MGMT: variants seen among roughly 807,000 people sequenced by gnomAD.
MGMT encodes methylated-DNA--protein-cysteine methyltransferase.
MGMT carries 14 observed loss-of-function variants against 15.9 expected under a neutral mutation model. The ratio of observed to expected loss-of-function variants is 0.88; its 90% CI spans 0.58 to 1.37. The LOEUF is 1.37. MGMT is among the 40% of genes most tolerant of loss of function. The pLI, the probability that MGMT is intolerant of heterozygous loss-of-function variation, is 0.00. For missense variants in MGMT, 282 were observed against 268.1 expected (o/e 1.05, Z -0.36); for synonymous variants, 130 against 118.2 (o/e 1.10, Z -0.65).
At position 129,706,786 on chromosome 10, in the gene MGMT, G is replaced by A. The variant is rs147907355; in HGVS notation, c.126-1109G>A. Among the ~76,000 whole-genome samples, 386 of 152,266 alleles carry A rather than the reference G, an allele frequency of 2.5e-3. 1 individual carries two copies. The highest frequency in any genetic ancestry group is 8.7e-3 in the African/African-American group (362 of 41,558). On this transcript the variant is annotated intron_variant, in intron 2 of 4. Coordinates refer to ENST00000651593, the MANE Select transcript of MGMT (RefSeq NM_002412.5). The stretch of plus-strand genomic sequence containing the variant: ...CCCTTCAGGGCCATGTCCTCAGTCC[G>A]TGGAACACAGCCCCAGAAAATCCAC...
chr10:129,657,707 G>GCACACACACACACA (rs57838117), intron 2 of MGMT, among the ~76,000 whole-genome samples: 9 of 111,560 alleles, frequency 8.1e-5, no homozygotes, highest in African/African-American at 2.3e-4. Flanking sequence ...ACACACACAC[G>GCACACACACACACA]CACACACACA....
chr10:129,559,564 T>C (rs1363841733), intron 2 of MGMT, among the ~76,000 whole-genome samples: 1 of 152,142 alleles, frequency 6.6e-6, no homozygotes, highest in Admixed American at 6.5e-5. Flanking sequence ...TTTTTTTTCT[T>C]ACCATGTACT....
chr10:129,754,269 TC>T (rs1428704608), intron 3 of MGMT, among the ~76,000 whole-genome samples: 3 of 152,160 alleles, frequency 2.0e-5, no homozygotes, highest in Non-Finnish European at 2.9e-5. Flanking sequence ...CCCTCCTCAG[TC>T]CCCTGGACAG....
chr10:129,557,991 G>A (rs930628016), intron 2 of MGMT, among the ~76,000 whole-genome samples: 1 of 152,118 alleles, frequency 6.6e-6, no homozygotes, highest in Non-Finnish European at 1.5e-5. Flanking sequence ...CCTTTAACTG[G>A]CAAGTGGTCC....
rs1015803063 is a variant in MGMT, at chr10:129,767,560, C to G, written c.*563C>G. The G allele has an allele frequency of 6.6e-6, 1 of 152,462 alleles. No individual in the cohort carries two copies. The highest frequency in any genetic ancestry group is 2.4e-5 in the African/African-American group (1 of 41,472). The allele number at this position is 152,462 out of a possible 1,614,324, so 9.4% of individuals were successfully genotyped here. Reference sequence around the variant, plus strand: ...TTCCTACCTGCCAAAAAGGCTAATGCAAGATGCATCCACTTATGGTCTGTA... The same window carrying G: ...TTCCTACCTGCCAAAAAGGCTAATGGAAGATGCATCCACTTATGGTCTGTA... On this transcript the variant is annotated 3_prime_UTR_variant, in exon 5 of 5. Coordinates refer to ENST00000651593, the MANE Select transcript of MGMT (RefSeq NM_002412.5).
chr10:129,492,015 T>G (rs572580940), intron 1 of MGMT, among the ~76,000 whole-genome samples: 8 of 152,264 alleles, frequency 5.3e-5, no homozygotes, highest in African/African-American at 1.7e-4. Context: ...TTTAAAATTG[T>G]GAGTGTTTGC....
intron 2 of MGMT, among the ~76,000 whole-genome samples, chr10:129,629,548 CA>C (rs1397647956): frequency 6.6e-6 from 1 of 152,208 alleles, no homozygotes; most frequent in African/African-American, 2.4e-5. Flanking sequence ...AACAGTTAAG[CA>C]GCGTACCTGG....
intron 3 of MGMT, among the ~76,000 whole-genome samples, chr10:129,723,199 G>A (rs1379656374): frequency 2.0e-5 from 3 of 152,054 alleles, no homozygotes; most frequent in Middle Eastern, 3.4e-3. Flanking sequence ...GTGGTGGTTT[G>A]TGAGATTTTG....
intron 1 of MGMT, among the ~76,000 whole-genome samples, chr10:129,475,966 T>C (rs1158455365): frequency 6.6e-6 from 1 of 152,192 alleles, no homozygotes; most frequent in Non-Finnish European, 1.5e-5. Flanking sequence ...GACCAACCAT[T>C]TGCCAGGAGG....
At position 129,659,996 on chromosome 10, in the gene MGMT, T is replaced by C. The variant is rs551450124; in HGVS notation, c.126-47899T>C. On this transcript the variant is annotated intron_variant, in intron 2 of 4. Transcript: ENST00000651593. The surrounding 1 kb of genome is among the most constrained non-coding windows in gnomAD (Gnocchi z 4.1). ...TCACCCGTGCAGTGAAGGATTTGCGTGGTCTTTGGTGCTTTTCTTCTAAAT... is the reference window on the plus strand; with the variant it reads ...TCACCCGTGCAGTGAAGGATTTGCGCGGTCTTTGGTGCTTTTCTTCTAAAT... Among the ~76,000 whole-genome samples, 6 of 152,332 alleles carry C rather than the reference T, an allele frequency of 3.9e-5. No homozygotes were observed. Among genetic ancestry groups the C allele is most frequent in the African/African-American group, 1.4e-4 (6 of 41,576 alleles).
intron 2 of MGMT, among the ~76,000 whole-genome samples, chr10:129,546,901 C>T (rs1405185637): frequency 2.6e-5 from 4 of 152,210 alleles, no homozygotes; most frequent in African/African-American, 9.7e-5. Context: ...CATCACAAAA[C>T]AAACTGAATC....
intron 2 of MGMT, among the ~76,000 whole-genome samples, chr10:129,550,362 A>G (rs1431825459): frequency 7.2e-6 from 1 of 138,452 alleles, no homozygotes; most frequent in African/African-American, 2.6e-5. Context: ...TTCCGCAGCC[A>G]CCACCGCCAC....
In MGMT at chr10:129,718,444, A is replaced by G. The variant is rs557564007; in HGVS notation, c.274+10401A>G. On this transcript the variant is annotated intron_variant, in intron 3 of 4. Transcript: ENST00000651593. ...ACCCCCACCCTGGGCAAGTGAGGTC[A>G]GGCCTGGCCCTGCTTGCCCTCCATT... Among the ~76,000 whole-genome samples the G allele has an allele frequency of 2.8e-3, 422 of 150,578 alleles. 1 individual carries two copies. Among genetic ancestry groups the G allele is most frequent in the African/African-American group, 9.2e-3 (377 of 40,884 alleles).
At chr10:129,678,130 G>A (rs1045425381) in intron 2 of MGMT, among the ~76,000 whole-genome samples, 1 of 152,094 alleles carries the variant, frequency 6.6e-6, no homozygotes, top group Admixed American at 6.5e-5. Flanking sequence ...AGGAAAGAAC[G>A]CCTCGGTGGC....
Position 129,725,948 on chromosome 10 carries a change from TC to T in MGMT, c.274+17908del, listed in dbSNP as rs374760420. On this transcript the variant is annotated intron_variant, in intron 3 of 4. Transcript: ENST00000651593. ...GGGCAGTTTCTCTTTAGCTGAAACT[TC>T]CCTTCATCTTCCACCAATACCATGT... 4.8e-4 allele frequency among the ~76,000 whole-genome samples: 73 copies of T among 152,302 alleles called. 1 individual carries two copies. The East Asian group carries it at 8.5e-3, about 18-fold the overall frequency.
At chr10:129,552,296 G>C (rs765864109) in intron 2 of MGMT, among the ~76,000 whole-genome samples, 2 of 152,178 alleles carry the variant, frequency 1.3e-5, no homozygotes, top group Non-Finnish European at 2.9e-5. Flanking sequence ...GTGCACACCC[G>C]GTGGGGCCCT....
At chr10:129,596,746 A>G (rs541881408) in intron 2 of MGMT, among the ~76,000 whole-genome samples, 27 of 152,232 alleles carry the variant, frequency 1.8e-4, no homozygotes, top group Non-Finnish European at 2.9e-4. Flanking sequence ...ATATACTAGG[A>G]CAGCTAGGTC....
intron 2 of MGMT, among the ~76,000 whole-genome samples, chr10:129,629,304 G>A (rs1847185093): frequency 6.6e-6 from 1 of 152,188 alleles, no homozygotes; most frequent in Non-Finnish European, 1.5e-5. Flanking sequence ...ATGAGTATTG[G>A]CTGCGATATC....
chr10:129,600,470 A>C (rs534430), intron 2 of MGMT, among the ~76,000 whole-genome samples: 65,379 of 152,112 alleles, frequency 0.43, 15,209 homozygotes, highest in East Asian at 0.64. Context: ...ATAGACCCAG[A>C]AAACAATTAA....
Sources: allele counts gnomAD v4.1 joint callset (sites outside exome capture counted in the v4.1 genomes callset), GRCh38; gene constraint gnomAD v4.1.1; non-coding constraint Gnocchi (gnomAD v3.1); transcripts MANE v1.5; gene names NCBI Gene and HGNC (gene_info 2026-07-23, HGNC 2026-07-21).